PRPF6: variants seen among roughly 807,000 people sequenced by gnomAD.
The protein encoded by PRPF6 is pre-mRNA processing factor 6.
Under a neutral mutation model 118.3 loss-of-function variants are expected in PRPF6, and 42 were observed. That is an observed-to-expected ratio of 0.35 (90% confidence interval 0.28 to 0.46). The LOEUF (loss-of-function observed/expected upper bound fraction) is 0.46, where lower values mean the gene tolerates loss of function less well. Among genes scored for constraint, PRPF6 ranks in the 20% least tolerant of loss-of-function variants. PRPF6 has a pLI of 1.00. For synonymous variants in PRPF6, 481 were observed against 485.1 expected, an observed-to-expected ratio of 0.99 and a Z score of 0.11; for missense variants, 662 against 1,255.7, an observed-to-expected ratio of 0.53 and a Z score of 7.15.
intron 11 of PRPF6, among the ~76,000 whole-genome samples, chr20:64,014,717 TG>T (rs2059229682): frequency 6.6e-6 from 1 of 152,232 alleles, no homozygotes; most frequent in African/African-American, 2.4e-5. Context: ...CCTAACCTAC[TG>T]AACTTTACAG....
chr20:64,015,355 C>T (rs1165435078), intron 11 of PRPF6, among the ~76,000 whole-genome samples: 1 of 152,222 alleles, frequency 6.6e-6, no homozygotes, highest in East Asian at 1.9e-4. Context: ...ATTCTTCTCA[C>T]CACTGACCTT....
chr20:64,014,529 C>T (rs945280973), intron 11 of PRPF6, among the ~76,000 whole-genome samples: 1 of 151,952 alleles, frequency 6.6e-6, no homozygotes, highest in African/African-American at 2.4e-5. Flanking sequence ...TGATGGTGGG[C>T]ACCTATAATT....
At chr20:64,003,893 C>G (rs930905151) in intron 9 of PRPF6, among the ~76,000 whole-genome samples, 1 of 152,182 alleles carries the variant, frequency 6.6e-6, no homozygotes, top group Non-Finnish European at 1.5e-5. Flanking sequence ...CCACCGCGCC[C>G]GGCCAGAGAC....
At chr20:64,002,615 C>T (rs907941537) in intron 9 of PRPF6, among the ~76,000 whole-genome samples, 1 of 151,070 alleles carries the variant, frequency 6.6e-6, no homozygotes, top group Non-Finnish European at 1.5e-5. Context: ...GGATTACAGG[C>T]GTGAGCCCCT....
chr20:64,016,348 C>T (rs140082544), intron 11 of PRPF6, among the ~76,000 whole-genome samples: 194 of 152,022 alleles, frequency 1.3e-3, no homozygotes, highest in African/African-American at 4.6e-3. Context: ...AGGCTGGTCT[C>T]GAACTCCTGA....
At chr20:63,992,213 G>A (rs1601511931) in intron 3 of PRPF6, among the ~76,000 whole-genome samples, 1 of 152,100 alleles carries the variant, frequency 6.6e-6, no homozygotes, top group Non-Finnish European at 1.5e-5. Flanking sequence ...AGTCTCCCAG[G>A]TAGCTGGGGA....
At chr20:63,990,068 G>A (rs1039347664) in intron 3 of PRPF6, among the ~76,000 whole-genome samples, 2 of 151,820 alleles carry the variant, frequency 1.3e-5, no homozygotes, top group Admixed American at 6.6e-5. Context: ...TGGCCAGGCC[G>A]GTCTTGAACT....
At chr20:64,002,080 G>A (rs1402146888) in intron 9 of PRPF6, among the ~76,000 whole-genome samples, 8 of 140,212 alleles carry the variant, frequency 5.7e-5, no homozygotes, top group Non-Finnish European at 7.6e-5. Context: ...GTGCAGTGGC[G>A]TGATCTCGGC....
chr20:63,992,883 A>G (rs2059124642), intron 3 of PRPF6, among the ~76,000 whole-genome samples: 2 of 151,990 alleles, frequency 1.3e-5, no homozygotes, highest in Admixed American at 6.6e-5. Context: ...GGTGTGTGCT[A>G]CCATGCCCAG....
intron 11 of PRPF6, among the ~76,000 whole-genome samples, chr20:64,016,461 T>C (rs2059238983): frequency 6.6e-6 from 1 of 152,192 alleles, no homozygotes; most frequent in Admixed American, 6.5e-5. Context: ...TAAAAAGGCT[T>C]TACATTTCTT....
chr20:64,004,072 G>A (rs1192872244), intron 9 of PRPF6, among the ~76,000 whole-genome samples: 1 of 152,216 alleles, frequency 6.6e-6, no homozygotes, highest in Non-Finnish European at 1.5e-5. Context: ...AATTCTTCCT[G>A]CCACAGTTTG....
At position 64,001,270 on chromosome 20, in the gene PRPF6, C is replaced by T. The variant is rs774803246; in HGVS notation, c.1186+31C>T. 7 of 1,613,734 alleles carry T rather than the reference C, an allele frequency of 4.3e-6. No individual in the cohort carries two copies. In the East Asian group the frequency reaches 1.6e-4, roughly 36 times the overall value. The stretch of plus-strand genomic sequence containing the variant: ...CCTCCCTCGGAGGTGCTGCTTTCTC[C>T]CTCCTTGGGGCCCCTCCTCTCAGCA... On this transcript the variant is annotated intron_variant, in intron 9 of 20. Coordinates refer to ENST00000266079, the MANE Select transcript of PRPF6 (RefSeq NM_012469.4).
Position 64,009,302 on chromosome 20 carries a change from A to C in PRPF6, c.1187-898A>C, listed in dbSNP as rs551738526. ...CGCAAAAAAAAAAAAAAAAAAAAAAAAGAGAGGTATTTCAGACACTGGCAT... is the reference window on the plus strand; with the variant it reads ...CGCAAAAAAAAAAAAAAAAAAAAAACAGAGAGGTATTTCAGACACTGGCAT... On this transcript the variant is annotated intron_variant, in intron 9 of 20. Transcript: ENST00000266079. 4.4e-3 allele frequency among the ~76,000 whole-genome samples: 666 copies of C among 150,886 alleles called. 3 individuals are homozygous for C. The highest frequency in any genetic ancestry group is 7.9e-3 in the Non-Finnish European group (533 of 67,608).
At chr20:64,016,649 A>G in intron 11 of PRPF6, 74 bp from the exon 12 acceptor site, 1 of 1,585,250 alleles carries the variant, frequency 6.3e-7, no homozygotes, top group South Asian at 1.1e-5. Flanking sequence ...CCGTTCAGGA[A>G]CTCCGTACTC....
At chr20:64,023,046 G>A (rs936989248) in intron 13 of PRPF6, among the ~76,000 whole-genome samples, 168 bp downstream of exon 13, 5 of 152,174 alleles carry the variant, frequency 3.3e-5, no homozygotes, top group Non-Finnish European at 5.9e-5. Flanking sequence ...CTTTGCAACT[G>A]GATCCATCTT....
At chr20:64,018,327 T>C (rs1438100043) in intron 12 of PRPF6, among the ~76,000 whole-genome samples, 2 of 152,090 alleles carry the variant, frequency 1.3e-5, no homozygotes, top group East Asian at 3.8e-4. Flanking sequence ...TGTTCCTGAG[T>C]GTGAATTTTT....
In PRPF6 at chr20:63,999,647, CG is replaced by C; in HGVS notation, c.912del (p.Asn305ThrfsTer23). 1 of 1,614,184 alleles carries C rather than the reference CG, an allele frequency of 6.2e-7. No homozygotes were observed. The highest frequency in any genetic ancestry group is 8.5e-7 in the Non-Finnish European group (1 of 1,180,046). On this transcript the variant is annotated frameshift_variant, in exon 8 of 21. Coordinates refer to ENST00000266079, the MANE Select transcript of PRPF6 (RefSeq NM_012469.4). LOFTEE classifies it high-confidence loss of function. Reference protein sequence around the residue: ...ARLLLKSVRETNPHHPPAWIA... With the variant: ...ARLLLKSVREXNPHHPPAWIA... Reference sequence around the variant, plus strand: ...CTGCTCCTCAAGTCTGTTCGGGAGACGAACCCTCATCACCCGCCAGCCTGGA... The same window carrying C: ...CTGCTCCTCAAGTCTGTTCGGGAGACAACCCTCATCACCCGCCAGCCTGGA...
chr20:64,006,724 A>G (rs1189696721), intron 9 of PRPF6, among the ~76,000 whole-genome samples: 3 of 152,134 alleles, frequency 2.0e-5, no homozygotes, highest in Non-Finnish European at 2.9e-5. Flanking sequence ...AGCCATTCAG[A>G]CATCACTGTT....
chr20:63,990,369 A>T (rs2059113122), intron 3 of PRPF6, among the ~76,000 whole-genome samples: 1 of 152,140 alleles, frequency 6.6e-6, no homozygotes. Flanking sequence ...TACAGACATA[A>T]GTCAATGTGC....
Sources: gnomAD v4.1 joint callset for allele counts (sites outside exome capture counted in the v4.1 genomes callset) on GRCh38, gnomAD v4.1.1 for gene constraint, MANE v1.5 for transcripts, NCBI Gene and HGNC (gene_info 2026-07-23, HGNC 2026-07-21) for gene names.